PDE4B: variants seen among roughly 807,000 people sequenced by gnomAD.
PDE4B encodes the protein phosphodiesterase 4B, also known as 3',5'-cyclic-AMP phosphodiesterase 4B.
In PDE4B, 20 loss-of-function variants were observed where a neutral mutation model predicts 82.2. The ratio of observed to expected loss-of-function variants is 0.24; its 90% CI spans 0.17 to 0.35. PDE4B has a LOEUF of 0.35. Ranked by LOEUF, PDE4B falls within the 10% of genes least tolerant of loss-of-function variation. The pLI, the probability that PDE4B is intolerant of heterozygous loss-of-function variation, is 1.00. For missense variants in PDE4B, 655 were observed against 907.2 expected, an observed-to-expected ratio of 0.72 and a Z score of 3.57; for synonymous variants, 320 against 318.9, an observed-to-expected ratio of 1.00 and a Z score of -0.04.
intron 8 of PDE4B, among the ~76,000 whole-genome samples, chr1:66,351,391 A>T (rs1348558243): frequency 6.6e-6 from 1 of 152,220 alleles, no homozygotes; most frequent in Non-Finnish European, 1.5e-5. Flanking sequence ...CCAATCCAGT[A>T]ACTCCTTGGG....
intron 1 of PDE4B, among the ~76,000 whole-genome samples, chr1:65,891,600 T>G (rs569878801): frequency 2.4e-4 from 36 of 152,194 alleles, no homozygotes; most frequent in Non-Finnish European, 5.0e-4. Context: ...TACAGAAGTC[T>G]AAGTTTAATA....
chr1:66,046,162 A>T (rs1218362824), intron 3 of PDE4B: 1 of 151,828 alleles, frequency 6.6e-6, no homozygotes. Flanking sequence ...ATAGAGATGG[A>T]GGAGAGAAAA....
At chr1:66,346,682 T>A (rs942877161) in intron 8 of PDE4B, among the ~76,000 whole-genome samples, 91 of 152,186 alleles carry the variant, frequency 6.0e-4, no homozygotes, top group African/African-American at 2.2e-3. Flanking sequence ...ATTAATTATA[T>A]ATGCTGCTGT....
chr1:66,339,018 CAAA>C (rs60064823), intron 8 of PDE4B, among the ~76,000 whole-genome samples: 2 of 79,792 alleles, frequency 2.5e-5, no homozygotes, highest in Non-Finnish European at 6.0e-5. Flanking sequence ...GACTCCGTCT[CAAA>C]AAAAAAAAAA....
At chr1:65,821,343 A>G (rs574328089) in intron 1 of PDE4B, among the ~76,000 whole-genome samples, 1 of 152,348 alleles carries the variant, frequency 6.6e-6, no homozygotes, top group South Asian at 2.1e-4. Context: ...ATGATTGGAG[A>G]TTCAGGAAGT....
chr1:65,995,743 C>CTTAA (rs1198206151), intron 3 of PDE4B, among the ~76,000 whole-genome samples: 7 of 152,124 alleles, frequency 4.6e-5, no homozygotes, highest in Non-Finnish European at 7.4e-5. Context: ...AAACCATGCA[C>CTTAA]TTAAGTTAGA....
intron 3 of PDE4B, among the ~76,000 whole-genome samples, chr1:66,228,623 C>T (rs533555471): frequency 4.5e-5 from 6 of 132,258 alleles, no homozygotes; most frequent in South Asian, 2.3e-4. Flanking sequence ...AGCAAGACTC[C>T]GTTAAAAAAA....
At chr1:66,094,908 T>C (rs1357825892) in intron 3 of PDE4B, among the ~76,000 whole-genome samples, 4 of 151,886 alleles carry the variant, frequency 2.6e-5, no homozygotes, top group African/African-American at 9.7e-5. Context: ...CCCAAGGTAA[T>C]ACAACTATTA....
chr1:66,311,278 G>A (rs1213665472), intron 7 of PDE4B, among the ~76,000 whole-genome samples: 5 of 152,196 alleles, frequency 3.3e-5, no homozygotes, highest in African/African-American at 9.7e-5. Flanking sequence ...AGCGAAACAG[G>A]TTTGCTAATA....
intron 3 of PDE4B, among the ~76,000 whole-genome samples, chr1:65,960,336 G>A (rs571618054): frequency 2.6e-5 from 4 of 152,098 alleles, no homozygotes; most frequent in African/African-American, 4.8e-5. Context: ...ATTATCTGTC[G>A]GTGGTGGATA....
chr1:66,288,801 G>A (rs1656866650), intron 7 of PDE4B, among the ~76,000 whole-genome samples: 1 of 152,108 alleles, frequency 6.6e-6, no homozygotes, highest in Admixed American at 6.6e-5. Flanking sequence ...ATCTGCAAAA[G>A]CTGGAGGAAA....
intron 7 of PDE4B, among the ~76,000 whole-genome samples, chr1:66,303,878 G>T (rs1370455952): frequency 6.6e-6 from 1 of 152,094 alleles, no homozygotes; most frequent in Non-Finnish European, 1.5e-5. Context: ...GCTATCAGAT[G>T]TCAGTTTTGG....
chr1:66,296,368 A>G (rs1317525391), intron 7 of PDE4B, among the ~76,000 whole-genome samples: 4 of 152,292 alleles, frequency 2.6e-5, no homozygotes, highest in Non-Finnish European at 4.4e-5. Flanking sequence ...ACAAGAAAGC[A>G]TACTTTTATG....
chr1:65,987,113 CTT>C (rs1335797168), intron 3 of PDE4B, among the ~76,000 whole-genome samples: 1 of 152,108 alleles, frequency 6.6e-6, no homozygotes, highest in African/African-American at 2.4e-5. Flanking sequence ...ACTGTGTAGA[CTT>C]TGCTTTTACT....
intron 3 of PDE4B, among the ~76,000 whole-genome samples, chr1:66,193,038 C>A (rs1449240393): frequency 1.3e-5 from 2 of 152,106 alleles, no homozygotes; most frequent in African/African-American, 4.8e-5. Flanking sequence ...GCTAAATTGA[C>A]ACATAACAAA....
At chr1:66,160,855 G>A (rs945749697) in intron 3 of PDE4B, among the ~76,000 whole-genome samples, 2 of 152,164 alleles carry the variant, frequency 1.3e-5, no homozygotes, top group Non-Finnish European at 2.9e-5. Flanking sequence ...GAAAACAAAA[G>A]GAGGTGCCTC....
chr1:66,100,297 C>T (rs1161443216), intron 3 of PDE4B, among the ~76,000 whole-genome samples: 1 of 152,114 alleles, frequency 6.6e-6, no homozygotes, highest in Non-Finnish European at 1.5e-5. Context: ...AGGTGATCAG[C>T]CCGCCTTGGC....
At chr1:66,238,068 C>G (rs996716475) in intron 3 of PDE4B, among the ~76,000 whole-genome samples, 1 of 152,132 alleles carries the variant, frequency 6.6e-6, no homozygotes, top group Non-Finnish European at 1.5e-5. Flanking sequence ...ATGACTTAAA[C>G]TAAAGCTTAA....
At position 65,874,981 on chromosome 1, in the gene PDE4B, A is replaced by G. The variant is rs1417620739; in HGVS notation, c.-70-38264A>G. On this transcript the variant is annotated intron_variant, in intron 1 of 16. Coordinates refer to ENST00000341517, the MANE Select transcript of PDE4B (RefSeq NM_002600.4). ...TAATTAAACCAAAGAGCTTCTGCAC[A>G]GCAAAAGAAACTACCATCAGAGTGA... Among the ~76,000 whole-genome samples the G allele has an allele frequency of 1.3e-5, 2 of 151,426 alleles. 1 individual carries two copies. Among genetic ancestry groups the G allele is most frequent in the Non-Finnish European group, 3.0e-5 (2 of 67,542 alleles).
Sources: allele counts gnomAD v4.1 joint callset (sites outside exome capture counted in the v4.1 genomes callset), GRCh38; gene constraint gnomAD v4.1.1; transcripts MANE v1.5; gene names NCBI Gene and HGNC (gene_info 2026-07-23, HGNC 2026-07-21).